TSPEAR: variants seen among roughly 807,000 people sequenced by gnomAD.
TSPEAR encodes thrombospondin type laminin G domain and EAR repeats.
TSPEAR carries 69 observed loss-of-function variants against 71.6 expected under a neutral mutation model. That is an observed-to-expected ratio of 0.96 (90% CI 0.79 to 1.18). The LOEUF (loss-of-function observed/expected upper bound fraction) is 1.18. TSPEAR is among the 50% of genes most tolerant of loss of function. TSPEAR has a pLI of 0.00. For missense variants in TSPEAR, 971 were observed against 894.9 expected, an observed-to-expected ratio of 1.09 and a Z score of -1.09; for synonymous variants, 402 against 387.2, an observed-to-expected ratio of 1.04 and a Z score of -0.45.
In TSPEAR at chr21:44,509,339, G is replaced by C. The variant is rs1409514575; in HGVS notation, c.1614C>G (p.Ile538Met). The change falls in exon 10 of 12, where the codon ATC (isoleucine) becomes ATG (methionine). Residue 538 changes from isoleucine to methionine, a missense_variant. By Grantham distance (10) the Ile-to-Met change is conservative. Coordinates refer to ENST00000323084, the MANE Select transcript of TSPEAR (RefSeq NM_144991.3). ...DWEVFQIGER[I>M]FLAVANSHSY... is the part of the protein sequence containing the mutation. ...TGTGACTGTTTGCCACAGCGAGGAA[G>C]ATCCTCTCCCCGATCTGGAAGACCT... The C allele has an allele frequency of 1.2e-6, 2 of 1,613,892 alleles. No individual in the cohort carries two copies. The highest frequency in any genetic ancestry group is 1.1e-5 in the South Asian group (1 of 91,066).
Position 44,631,303 on chromosome 21 carries a change from G to T in TSPEAR, c.83-63298C>A, listed in dbSNP as rs1555935677. On this transcript the variant is annotated intron_variant, in intron 1 of 11. Transcript: ENST00000323084. ...CAAATAGAAATTCTGGAGTTGAAAAGTATAATAACTGATATGAAAATTTCA... is the reference window on the plus strand; with the variant it reads ...CAAATAGAAATTCTGGAGTTGAAAATTATAATAACTGATATGAAAATTTCA... Among the ~76,000 whole-genome samples, 5 of 152,302 alleles carry T rather than the reference G, an allele frequency of 3.3e-5. No individual in the cohort carries two copies. In the South Asian group the frequency reaches 1.0e-3, roughly 32 times the overall value.
chr21:44,591,820 G>C, intron 1 of TSPEAR: 2 of 1,598,846 alleles, frequency 1.3e-6, no homozygotes, highest in Non-Finnish European at 1.7e-6. Context: ...CTGGCAGGGG[G>C]AGGAGGTGCA....
chr21:44,578,200 A>G (rs74515143), intron 1 of TSPEAR, among the ~76,000 whole-genome samples: 1,703 of 152,346 alleles, frequency 0.011, 30 homozygotes, highest in African/African-American at 0.039. Context: ...GGAATGAATA[A>G]AAGGTTGCCA....
At chr21:44,622,370 C>T (rs1448428717) in intron 1 of TSPEAR, among the ~76,000 whole-genome samples, 1 of 152,148 alleles carries the variant, frequency 6.6e-6, no homozygotes, top group Non-Finnish European at 1.5e-5. Flanking sequence ...TTTATGCCCC[C>T]ATCTTCCCCT....
chr21:44,579,664 C>A, intron 1 of TSPEAR: 1 of 1,491,614 alleles, frequency 6.7e-7, no homozygotes, highest in African/African-American at 1.4e-5. Flanking sequence ...ACATGGGGGC[C>A]CCGTCCCAAG....
chr21:44,651,485 C>T (rs1277025878), intron 1 of TSPEAR, among the ~76,000 whole-genome samples: 4 of 152,230 alleles, frequency 2.6e-5, no homozygotes, highest in East Asian at 1.9e-4. Flanking sequence ...CGGGTTCCTT[C>T]GGGAGGCTGC....
Position 44,612,201 on chromosome 21 carries a change from G to T in TSPEAR, c.83-44196C>A. The T allele has an allele frequency of 6.2e-7, 1 of 1,613,922 alleles. No individual in the cohort carries two copies. On this transcript the variant is annotated intron_variant, in intron 1 of 11. Transcript: ENST00000323084. This position sits in a 1 kb window ranked among gnomAD's most constrained non-coding sequence, Gnocchi z 4.1. The stretch of plus-strand genomic sequence containing the variant: ...CATGTCAGCCGAGTCTCCTCCCCCA[G>T]CACCTGCACTGGCTCCTCCTGGCAG...
At chr21:44,617,364 T>A (rs1555932733) in intron 1 of TSPEAR, among the ~76,000 whole-genome samples, 1 of 152,226 alleles carries the variant, frequency 6.6e-6, no homozygotes, top group African/African-American at 2.4e-5. Flanking sequence ...GCCGCTGGGA[T>A]GCAGAACAGA....
chr21:44,553,297 G>C (rs1226569940), intron 2 of TSPEAR, among the ~76,000 whole-genome samples: 1 of 152,164 alleles, frequency 6.6e-6, no homozygotes. Flanking sequence ...AAGCCAGCCG[G>C]TCTGTACATA....
chr21:44,513,921 C>T (rs898735890), intron 9 of TSPEAR, among the ~76,000 whole-genome samples: 10 of 152,122 alleles, frequency 6.6e-5, no homozygotes, highest in Middle Eastern at 3.2e-3. Context: ...ATGGGGGCAG[C>T]GCTACTGGAT....
intron 1 of TSPEAR, among the ~76,000 whole-genome samples, chr21:44,707,154 A>G (rs2838655): frequency 0.31 from 47,168 of 152,202 alleles, 7,616 homozygotes; most frequent in African/African-American, 0.33. Flanking sequence ...CAGGGCGCGA[A>G]GCCCACTGGA....
rs182669242 is a variant in TSPEAR at position 44,562,977 on chromosome 21, A to G, written c.303+4808T>C. ...ATTATAAAAAGTAGTACAAATGCAT[A>G]TTTTCTCCTTTATTCTCTTAACTGA... is the stretch of plus-strand genomic sequence containing the variant. On this transcript the variant is annotated intron_variant, in intron 2 of 11. Transcript: ENST00000323084. 9.2e-5 allele frequency among the ~76,000 whole-genome samples: 14 copies of G among 152,302 alleles called. No individual in the cohort carries two copies. The East Asian group carries it at 2.7e-3, about 29-fold the overall frequency.
intron 2 of TSPEAR, among the ~76,000 whole-genome samples, chr21:44,540,732 G>A (rs1372122372): frequency 6.6e-6 from 1 of 152,194 alleles, no homozygotes; most frequent in Non-Finnish European, 1.5e-5. Flanking sequence ...CCCCATCACT[G>A]AAGAAATTAG....
intron 2 of TSPEAR, among the ~76,000 whole-genome samples, chr21:44,561,051 T>G (rs1007349195): frequency 5.3e-5 from 8 of 152,160 alleles, no homozygotes; most frequent in African/African-American, 1.7e-4. Flanking sequence ...AGGAGCTGGT[T>G]TTTTGAAAAA....
intron 1 of TSPEAR, chr21:44,638,451 A>T: frequency 2.6e-6 from 1 of 391,190 alleles, no homozygotes. Flanking sequence ...TCTGTCTCAC[A>T]CCAACCTCTG....
At chr21:44,654,875 GT>G (rs1985047894) in intron 1 of TSPEAR, among the ~76,000 whole-genome samples, 1 of 152,120 alleles carries the variant, frequency 6.6e-6, no homozygotes. Context: ...CAGAGCAGGG[GT>G]AGCTGGTGAA....
Position 44,680,916 on chromosome 21 carries a change from A to C in TSPEAR, c.82+30517T>G, listed in dbSNP as rs562530895. ...TTAATGGGTACAAACATACAGTTAC[A>C]CAGAAAGAATAAGTTCTAATATTTG... is the stretch of plus-strand genomic sequence containing the variant. On this transcript the variant is annotated intron_variant, in intron 1 of 11. Transcript: ENST00000323084. 9.8e-5 allele frequency among the ~76,000 whole-genome samples: 15 copies of C among 152,328 alleles called. No homozygotes were observed. In the South Asian group the frequency reaches 2.7e-3, roughly 27 times the overall value.
intron 1 of TSPEAR, among the ~76,000 whole-genome samples, chr21:44,707,015 G>A (rs918295873): frequency 3.9e-5 from 6 of 152,244 alleles, no homozygotes; most frequent in Non-Finnish European, 7.3e-5. Flanking sequence ...GCCCCTGCCC[G>A]GCTTTCCTAG....
In TSPEAR at chr21:44,550,581, T is replaced by TG; in HGVS notation, c.304-16659dup. On this transcript the variant is annotated intron_variant, in intron 2 of 11. Transcript: ENST00000323084. ...GACCCCGGGGCTGGGCGGCTGTGGC[T>TG]GGGGCTGCTCCTTCTGTGCTGAGCT... is the stretch of plus-strand genomic sequence containing the variant. 3.4e-6 allele frequency: 5 copies of TG among 1,481,856 alleles called. No homozygotes were observed. The South Asian group carries it at 5.2e-5, about 15-fold the overall frequency. The allele number at this position is 1,481,856 out of a possible 1,614,324, so 91.8% of individuals were successfully genotyped here.
Sources: allele counts gnomAD v4.1 joint callset (sites outside exome capture counted in the v4.1 genomes callset), GRCh38; gene constraint gnomAD v4.1.1; non-coding constraint Gnocchi (gnomAD v3.1); transcripts MANE v1.5; gene names NCBI Gene and HGNC (gene_info 2026-07-23, HGNC 2026-07-21).